The following GRB10 variants were observed in gnomAD, a reference collection of about 807,000 sequenced individuals.
GRB10 encodes the protein growth factor receptor-bound protein 10.
GRB10 carries 20 observed loss-of-function variants against 80.9 expected under a neutral mutation model. The ratio of observed to expected loss-of-function variants is 0.25; its 90% CI spans 0.17 to 0.36. The LOEUF is 0.36. GRB10 is among the 10% of genes least tolerant of loss of function. GRB10 has a pLI of 1.00. For synonymous variants in GRB10, 291 were observed against 291.5 expected (o/e 1.00, Z 0.02); for missense variants, 548 against 747.7 (o/e 0.73, Z 3.12).
Position 50,595,421 on chromosome 7 carries a change from G to A in GRB10, c.1638+16C>T. 7.5e-7 allele frequency: 1 copy of A among 1,327,156 alleles called. No homozygotes were observed. Among genetic ancestry groups the A allele is most frequent in the Middle Eastern group, 1.8e-4 (1 of 5,538 alleles). The allele number at this position is 1,327,156 out of a possible 1,614,324, so 82.2% of individuals were successfully genotyped here. On this transcript the variant is annotated intron_variant, in intron 18 of 18. Transcript: ENST00000401949. ...AAACAAACCACAAGGACTGGTCTGA[G>A]AACATCAATACTTACAGGTAAGATC...
intron 5 of GRB10, among the ~76,000 whole-genome samples, chr7:50,677,245 T>G (rs1159656906): frequency 2.0e-5 from 3 of 152,198 alleles, no homozygotes; most frequent in African/African-American, 7.2e-5. Context: ...GAATCAATAA[T>G]TAATAATTAC....
At chr7:50,793,180 A>G (rs1429062811) in intron 1 of GRB10, 2 of 144,604 alleles carry the variant, frequency 1.4e-5, no homozygotes, top group African/African-American at 5.0e-5. Context: ...GGGGACGCCA[A>G]CCACAAAGTA....
intron 7 of GRB10, among the ~76,000 whole-genome samples, chr7:50,657,599 A>C (rs1473548916): frequency 6.6e-6 from 1 of 152,224 alleles, no homozygotes; most frequent in Non-Finnish European, 1.5e-5. Flanking sequence ...TACTGCCCTG[A>C]TTCTAGAGAA....
chr7:50,748,731 T>C (rs868306443), intron 3 of GRB10, among the ~76,000 whole-genome samples: 1 of 152,158 alleles, frequency 6.6e-6, no homozygotes, highest in Non-Finnish European at 1.5e-5. Context: ...TTGGACCCCA[T>C]AGTGCTCCAG....
At chr7:50,792,109 G>A (rs544407247) in intron 1 of GRB10, among the ~76,000 whole-genome samples, 1 of 152,274 alleles carries the variant, frequency 6.6e-6, no homozygotes, top group Non-Finnish European at 1.5e-5. Flanking sequence ...AAACTCGGGG[G>A]CTCCAAACGG....
chr7:50,646,322 A>G (rs2057183407), intron 7 of GRB10, among the ~76,000 whole-genome samples: 1 of 152,168 alleles, frequency 6.6e-6, no homozygotes, highest in Non-Finnish European at 1.5e-5. Flanking sequence ...GTACCTCCAT[A>G]CAACACAACA....
chr7:50,679,269 C>T (rs2153646491), intron 5 of GRB10, among the ~76,000 whole-genome samples: 1 of 152,256 alleles, frequency 6.6e-6, no homozygotes, highest in Middle Eastern at 3.4e-3. Flanking sequence ...TAGATATAAA[C>T]TCAGCGAAAC....
intron 7 of GRB10, 124 bp from the exon 8 acceptor site, chr7:50,627,102 T>A: frequency 1.0e-6 from 1 of 1,001,252 alleles, no homozygotes; most frequent in Non-Finnish European, 1.6e-6. Flanking sequence ...CAACTGTTTT[T>A]CCAGGCAGCC....
rs1024026152 is a variant in GRB10 at position 50,782,386 on chromosome 7, C to T, written c.-327+38G>A. The T allele has an allele frequency of 1.3e-5, 2 of 148,292 alleles. No homozygotes were observed. Among genetic ancestry groups the T allele is most frequent in the African/African-American group, 4.9e-5 (2 of 40,982 alleles). 9.2% of individuals were successfully genotyped at this position (148,292 alleles called of 1,614,324 possible). The stretch of plus-strand genomic sequence containing the variant: ...CCGGCTCGCGCCCACCGCCCACCGC[C>T]CACCGCCCAGCGCCCGCGGCGGAGC... On this transcript the variant is annotated intron_variant, in intron 1 of 18. Transcript: ENST00000401949. This position sits in a 1 kb window ranked among gnomAD's most constrained non-coding sequence, Gnocchi z 6.6.
intron 1 of GRB10, among the ~76,000 whole-genome samples, chr7:50,791,279 A>G (rs558244359): frequency 6.6e-6 from 1 of 152,352 alleles, no homozygotes; most frequent in South Asian, 2.1e-4. Flanking sequence ...TGAGTGAACT[A>G]AAAGGAAATA....
chr7:50,704,018 C>G lies in GRB10; in HGVS notation c.52-110G>C, dbSNP rs930781936. On this transcript the variant is annotated intron_variant, in intron 4 of 18. Coordinates refer to ENST00000401949, the MANE Select transcript of GRB10 (RefSeq NM_001350814.2). ...CCTTTCTTCCTCAATTCCTTACTTCCTTTCCACTTACTTACTTTTTCCATT... is the reference window on the plus strand; with the variant it reads ...CCTTTCTTCCTCAATTCCTTACTTCGTTTCCACTTACTTACTTTTTCCATT... 4 of 724,644 alleles carry G rather than the reference C, an allele frequency of 5.5e-6. No homozygotes were observed. In the Admixed American group the frequency reaches 6.0e-5, roughly 11 times the overall value. 44.9% of individuals were successfully genotyped at this position (724,644 alleles called of 1,614,324 possible).
chr7:50,747,504 C>G (rs1437026004), intron 3 of GRB10: 1 of 152,226 alleles, frequency 6.6e-6, no homozygotes, highest in Admixed American at 6.5e-5. Context: ...TACCCTCTCT[C>G]CAACCCTTTG....
At chr7:50,675,200 A>C (rs1166459659) in intron 5 of GRB10, among the ~76,000 whole-genome samples, 1 of 152,232 alleles carries the variant, frequency 6.6e-6, no homozygotes, top group East Asian at 1.9e-4. Context: ...CTGCTACTAC[A>C]ACACATGCCT....
intron 8 of GRB10, 77 bp downstream of exon 8, chr7:50,626,745 G>T: frequency 6.5e-7 from 1 of 1,532,118 alleles, no homozygotes. Flanking sequence ...CACACATTTG[G>T]CATTTGGCAG....
chr7:50,741,395 AG>A (rs1391316785), intron 3 of GRB10, among the ~76,000 whole-genome samples: 1 of 152,194 alleles, frequency 6.6e-6, no homozygotes, highest in East Asian at 1.9e-4. Flanking sequence ...CACGGCCCCA[AG>A]GAAAAACCTG....
At chr7:50,644,654 C>G (rs1263254795) in intron 7 of GRB10, among the ~76,000 whole-genome samples, 1 of 152,170 alleles carries the variant, frequency 6.6e-6, no homozygotes, top group Non-Finnish European at 1.5e-5. Context: ...AGTAGGGAAC[C>G]TCAGGTAAGC....
At chr7:50,735,000 A>G (rs947806993) in intron 3 of GRB10, among the ~76,000 whole-genome samples, 1 of 152,226 alleles carries the variant, frequency 6.6e-6, no homozygotes, top group Non-Finnish European at 1.5e-5. Flanking sequence ...CAAATTGGAA[A>G]GGAGGAACTA....
upstream of GRB10, among the ~76,000 whole-genome samples, chr7:50,785,197 C>T (rs554098142): frequency 5.1e-4 from 77 of 152,338 alleles, no homozygotes; most frequent in African/African-American, 1.6e-3. Context: ...AGCAACCAGG[C>T]GTCCATCCAC....
In GRB10 at chr7:50,590,442, A is replaced by G. The variant is rs2045721283; in HGVS notation, c.*2510T>C. Reference sequence around the variant, plus strand: ...TCTTCAAGGTTTAGCAAACAAAAGAACATTCTGGAACTCTAACACCTAGTG... The same window carrying G: ...TCTTCAAGGTTTAGCAAACAAAAGAGCATTCTGGAACTCTAACACCTAGTG... On this transcript the variant is annotated 3_prime_UTR_variant, in exon 19 of 19. Transcript: ENST00000401949. 1 of 152,352 alleles carries G rather than the reference A, an allele frequency of 6.6e-6. No homozygotes were observed. Among genetic ancestry groups the G allele is most frequent in the Non-Finnish European group, 1.5e-5 (1 of 68,040 alleles). The allele number at this position is 152,352 out of a possible 1,614,324, so 9.4% of individuals were successfully genotyped here.
Sources: gnomAD v4.1 joint callset for allele counts (sites outside exome capture counted in the v4.1 genomes callset) on GRCh38, gnomAD v4.1.1 for gene constraint, Gnocchi (gnomAD v3.1) non-coding constraint, MANE v1.5 for transcripts, NCBI Gene and HGNC (gene_info 2026-07-23, HGNC 2026-07-21) for gene names.